PDE8B: variants seen among roughly 807,000 people sequenced by gnomAD.
The protein encoded by PDE8B is phosphodiesterase 8B, also known as high affinity cAMP-specific and IBMX-insensitive 3',5'-cyclic phosphodiesterase 8B.
A neutral mutation model predicts 101.3 loss-of-function variants in PDE8B; 26 were observed. The ratio of observed to expected loss-of-function variants is 0.26; its 90% confidence interval spans 0.19 to 0.36. The LOEUF (loss-of-function observed/expected upper bound fraction) is 0.36. PDE8B is among the 10% of genes least tolerant of loss of function. The pLI, the probability that PDE8B is intolerant of heterozygous loss-of-function variation, is 1.00. For synonymous variants in PDE8B, 424 were observed against 429.3 expected, an observed-to-expected ratio of 0.99 and a Z score of 0.15; for missense variants, 810 against 1,163.1, an observed-to-expected ratio of 0.70 and a Z score of 4.42.
rs376851106 is a variant in PDE8B, at chr5:77,349,388, G to A, written c.877-31G>A. 603 of 1,613,564 alleles carry A rather than the reference G, an allele frequency of 3.7e-4. 4 individuals carry two copies. In the African/African-American group the frequency reaches 6.3e-3, roughly 17 times the overall value. ...TTCATGAATTCTGTCTTGTGTCCCC[G>A]CACTGATCTGTACCAACCTCCCATT... is the stretch of plus-strand genomic sequence containing the variant. On this transcript the variant is annotated intron_variant, in intron 7 of 21. Coordinates refer to ENST00000264917, the MANE Select transcript of PDE8B (RefSeq NM_003719.5).
intron 1 of PDE8B, among the ~76,000 whole-genome samples, chr5:77,237,660 G>GT (rs1396545886): frequency 1.3e-5 from 2 of 152,094 alleles, no homozygotes; most frequent in African/African-American, 4.8e-5. Flanking sequence ...ATCTACTATA[G>GT]TTACCCAAAT....
At chr5:77,249,885 C>A (rs1254594498) in intron 1 of PDE8B, among the ~76,000 whole-genome samples, 2 of 152,176 alleles carry the variant, frequency 1.3e-5, no homozygotes, top group African/African-American at 4.8e-5. Context: ...TTGGAAAAAA[C>A]AGAGATTTGT....
intron 10 of PDE8B, among the ~76,000 whole-genome samples, chr5:77,390,560 CAG>C (rs1284628310): frequency 3.9e-5 from 6 of 152,340 alleles, no homozygotes; most frequent in African/African-American, 1.4e-4. Flanking sequence ...CACCACACTA[CAG>C]AGAGACTGAC....
intron 1 of PDE8B, among the ~76,000 whole-genome samples, chr5:77,284,661 A>G (rs1765646588): frequency 6.6e-6 from 1 of 152,150 alleles, no homozygotes. Flanking sequence ...CTCCCTTTCT[A>G]TTCACACTTT....
At chr5:77,282,034 C>T (rs919199598) in intron 1 of PDE8B, among the ~76,000 whole-genome samples, 1 of 152,218 alleles carries the variant, frequency 6.6e-6, no homozygotes, top group East Asian at 1.9e-4. Flanking sequence ...TTAACAGTCA[C>T]GTCAACCCAA....
chr5:77,329,684 G>A (rs772029652), intron 4 of PDE8B, among the ~76,000 whole-genome samples: 1 of 152,224 alleles, frequency 6.6e-6, no homozygotes, highest in South Asian at 2.1e-4. Flanking sequence ...AGGAAGAAAA[G>A]TTGTCTGTGC....
chr5:77,378,009 T>TACACAC (rs3031820), intron 10 of PDE8B, among the ~76,000 whole-genome samples: 7,978 of 134,350 alleles, frequency 0.059, 252 homozygotes, highest in South Asian at 0.1. Flanking sequence ...CCTCTCTCTC[T>TACACAC]ACACACACAC....
At chr5:77,116,121 C>A in the PDE8B span, among the ~76,000 whole-genome samples, 2 of 150,556 alleles carry the variant, frequency 1.3e-5, no homozygotes, top group African/African-American at 4.9e-5. Context: ...GTAAGACAAT[C>A]AAAGACACAG....
chr5:77,413,072 T>G (rs910225573), intron 16 of PDE8B, 39 bp from the exon 17 acceptor site: 3 of 1,549,956 alleles, frequency 1.9e-6, no homozygotes, highest in Non-Finnish European at 1.8e-6. Flanking sequence ...TCTGGGCCAG[T>G]GAATACAATG....
At chr5:77,339,054 C>T (rs1581127400) in intron 6 of PDE8B, among the ~76,000 whole-genome samples, 2 of 152,142 alleles carry the variant, frequency 1.3e-5, no homozygotes, top group East Asian at 3.8e-4. Context: ...AAATAAATAT[C>T]CCCAGCCAAC....
intron 10 of PDE8B, among the ~76,000 whole-genome samples, chr5:77,366,922 A>T (rs17671405): frequency 0.12 from 18,722 of 152,058 alleles, 1,333 homozygotes; most frequent in East Asian, 0.26. Flanking sequence ...CCCCTGGGGC[A>T]TCTGTGCAGA....
At position 77,361,628 on chromosome 5, in the gene PDE8B, C is replaced by T. The variant is rs562777049; in HGVS notation, c.1167+8222C>T. 2.0e-5 allele frequency among the ~76,000 whole-genome samples: 3 copies of T among 152,172 alleles called. No individual in the cohort carries two copies. The South Asian group carries it at 6.2e-4, about 32-fold the overall frequency. On this transcript the variant is annotated intron_variant, in intron 10 of 21. Transcript: ENST00000264917. ...CTCCCAGGTTCACGCCATTCTCCCGCCTCAGCCTCCCAAGTAGCTGGGACT... is the reference window on the plus strand; with the variant it reads ...CTCCCAGGTTCACGCCATTCTCCCGTCTCAGCCTCCCAAGTAGCTGGGACT...
chr5:77,337,527 T>C (rs7703993), intron 6 of PDE8B, among the ~76,000 whole-genome samples: 40,987 of 152,112 alleles, frequency 0.27, 6,559 homozygotes, highest in African/African-American at 0.45. Flanking sequence ...CTTTTGACAG[T>C]ATTTTCCACT....
At chr5:77,399,274 C>A (rs1459054505) in intron 10 of PDE8B, among the ~76,000 whole-genome samples, 1 of 152,198 alleles carries the variant, frequency 6.6e-6, no homozygotes, top group Non-Finnish European at 1.5e-5. Flanking sequence ...TGGAGGCCAT[C>A]CCGGAACTGG....
chr5:77,341,713 G>A (rs1779235231), intron 6 of PDE8B, among the ~76,000 whole-genome samples: 1 of 152,184 alleles, frequency 6.6e-6, no homozygotes, highest in South Asian at 2.1e-4. Flanking sequence ...CCAGGTGCCT[G>A]GAAAACACTG....
At chr5:77,290,985 A>T (rs1281350058) in intron 1 of PDE8B, 6 of 1,611,844 alleles carry the variant, frequency 3.7e-6, no homozygotes, top group Non-Finnish European at 4.2e-6. Flanking sequence ...TGAACGAGTG[A>T]ACCTGCTGTC....
chr5:77,377,887 A>G (rs146700729), intron 10 of PDE8B, among the ~76,000 whole-genome samples: 126 of 152,192 alleles, frequency 8.3e-4, no homozygotes, highest in African/African-American at 2.9e-3. Context: ...GACTTATGCT[A>G]CTGCCTTCCC....
chr5:77,342,441 C>T (rs1779371789), intron 6 of PDE8B, among the ~76,000 whole-genome samples: 1 of 152,036 alleles, frequency 6.6e-6, no homozygotes. Flanking sequence ...TGCCTTCTTC[C>T]CTCTAAACGG....
At chr5:77,142,972 C>G in the PDE8B span, among the ~76,000 whole-genome samples, 1 of 152,068 alleles carries the variant, frequency 6.6e-6, no homozygotes, top group Non-Finnish European at 1.5e-5. Context: ...GAGAGAGGAG[C>G]TAAGATGTAT....
Sources: gnomAD v4.1 joint callset for allele counts (sites outside exome capture counted in the v4.1 genomes callset) on GRCh38, gnomAD v4.1.1 for gene constraint, MANE v1.5 for transcripts, NCBI Gene and HGNC (gene_info 2026-07-23, HGNC 2026-07-21) for gene names.